NRP1: variants seen among roughly 807,000 people sequenced by gnomAD.
NRP1 encodes the protein neuropilin-1.
NRP1 carries 35 observed loss-of-function variants against 106.7 expected under a neutral mutation model. The ratio of observed to expected loss-of-function variants is 0.33; its 90% confidence interval spans 0.25 to 0.43. The LOEUF is 0.43. Ranked by LOEUF, NRP1 falls within the 20% of genes least tolerant of loss-of-function variation. The pLI is 1.00. For missense variants in NRP1, 1,024 were observed against 1,170.4 expected (o/e 0.87, Z 1.83); for synonymous variants, 437 against 417.9 (o/e 1.05, Z -0.56).
intron 9 of NRP1, chr10:33,211,976 A>G (rs973024079): frequency 1.3e-5 from 2 of 152,132 alleles, no homozygotes; most frequent in Non-Finnish European, 2.9e-5. Flanking sequence ...CCATATTTGA[A>G]TCCTAAACCA....
At chr10:33,230,143 T>C (rs1220936715) in intron 6 of NRP1, among the ~76,000 whole-genome samples, 1 of 152,092 alleles carries the variant, frequency 6.6e-6, no homozygotes. Context: ...CCACGAGTCC[T>C]TTCTCTTAAT....
intron 2 of NRP1, among the ~76,000 whole-genome samples, chr10:33,293,914 C>T (rs1845189059): frequency 1.3e-5 from 2 of 152,218 alleles, no homozygotes; most frequent in Non-Finnish European, 2.9e-5. Context: ...TTGTCTGTCA[C>T]AGTCATAGCA....
At chr10:33,265,916 C>A (rs561376314) in intron 3 of NRP1, among the ~76,000 whole-genome samples, 1 of 152,200 alleles carries the variant, frequency 6.6e-6, no homozygotes, top group African/African-American at 2.4e-5. Flanking sequence ...TAATTTGAGT[C>A]ATTTATCCAC....
chr10:33,258,549 CA>C (rs1842355781), intron 4 of NRP1, among the ~76,000 whole-genome samples: 1 of 152,144 alleles, frequency 6.6e-6, no homozygotes, highest in African/African-American at 2.4e-5. Context: ...CTGTCACGGA[CA>C]ATAGCTTTGC....
chr10:33,298,578 A>T (rs1199252651), intron 2 of NRP1, among the ~76,000 whole-genome samples: 1 of 152,084 alleles, frequency 6.6e-6, no homozygotes, highest in East Asian at 1.9e-4. Context: ...CTGGCTGGGG[A>T]GCAGGAGGTC....
intron 2 of NRP1, among the ~76,000 whole-genome samples, chr10:33,320,306 C>T (rs1231466724): frequency 2.0e-5 from 3 of 149,704 alleles, no homozygotes; most frequent in African/African-American, 4.9e-5. Context: ...AGCAATACTC[C>T]GTCTTTAAAA....
intron 2 of NRP1, among the ~76,000 whole-genome samples, chr10:33,319,613 G>GT (rs1384103837): frequency 1.7e-5 from 2 of 120,398 alleles, no homozygotes; most frequent in African/African-American, 6.6e-5. Context: ...TTGAGACAGT[G>GT]TCTCCTTCTG....
At chr10:33,272,979 A>G (rs1045426075) in intron 2 of NRP1, among the ~76,000 whole-genome samples, 3 of 151,590 alleles carry the variant, frequency 2.0e-5, no homozygotes, top group Non-Finnish European at 4.4e-5. Flanking sequence ...GTGCCGGTGG[A>G]TTGCAACAGG....
intron 2 of NRP1, among the ~76,000 whole-genome samples, chr10:33,300,642 T>G (rs1845737855): frequency 6.6e-6 from 1 of 152,192 alleles, no homozygotes; most frequent in Non-Finnish European, 1.5e-5. Flanking sequence ...TGCCTCCCAT[T>G]GTATTCAAAG....
At chr10:33,324,920 C>T (rs79292594) in intron 2 of NRP1, among the ~76,000 whole-genome samples, 2,846 of 152,252 alleles carry the variant, frequency 0.019, 101 homozygotes, top group African/African-American at 0.065. Flanking sequence ...AGTGAGCCAC[C>T]GTGCCTGGCC....
intron 3 of NRP1, 130 bp downstream of exon 3, chr10:33,270,537 GGCTGGTCT>G: frequency 1.6e-6 from 1 of 619,658 alleles, no homozygotes; most frequent in South Asian, 3.2e-5. Context: ...ATGTTGGCCA[GGCTGGTCT>G]TGAATTCCTG....
intron 2 of NRP1, among the ~76,000 whole-genome samples, chr10:33,318,287 T>C (rs970120695): frequency 6.6e-6 from 1 of 152,180 alleles, no homozygotes; most frequent in Non-Finnish European, 1.5e-5. Context: ...TAATGAGCCA[T>C]TCACATATCG....
chr10:33,265,937 T>A (rs1048479805), intron 3 of NRP1, among the ~76,000 whole-genome samples: 11 of 152,052 alleles, frequency 7.2e-5, no homozygotes, highest in African/African-American at 1.2e-4. Flanking sequence ...AAAGAAAAAA[T>A]ATATATATAC....
At chr10:33,286,689 T>C (rs1490906237) in intron 2 of NRP1, among the ~76,000 whole-genome samples, 1 of 152,214 alleles carries the variant, frequency 6.6e-6, no homozygotes, top group East Asian at 1.9e-4. Flanking sequence ...TAACTTATTC[T>C]GCTGACTTTT....
At chr10:33,323,548 C>T (rs1847675874) in intron 2 of NRP1, among the ~76,000 whole-genome samples, 1 of 152,040 alleles carries the variant, frequency 6.6e-6, no homozygotes, top group South Asian at 2.1e-4. Flanking sequence ...AACCATAAGA[C>T]ACTACTAACT....
intron 14 of NRP1, 51 bp downstream of exon 14, chr10:33,186,166 C>T: frequency 6.5e-7 from 1 of 1,528,752 alleles, no homozygotes; most frequent in Admixed American, 2.1e-5. Context: ...AACATATCAT[C>T]TCAGCATTCC....
intron 2 of NRP1, among the ~76,000 whole-genome samples, chr10:33,274,739 G>T (rs1843561868): frequency 6.6e-6 from 1 of 152,226 alleles, no homozygotes; most frequent in African/African-American, 2.4e-5. Flanking sequence ...TATTAGGAAG[G>T]GGGATTTGAG....
intron 10 of NRP1, among the ~76,000 whole-genome samples, chr10:33,206,591 G>A (rs1837803382): frequency 6.6e-6 from 1 of 152,158 alleles, no homozygotes; most frequent in African/African-American, 2.4e-5. Flanking sequence ...TTTTAAAATT[G>A]CAGGAAGGTG....
intron 2 of NRP1, among the ~76,000 whole-genome samples, chr10:33,300,537 C>G (rs1331324): frequency 0.4 from 60,974 of 151,952 alleles, 14,074 homozygotes; most frequent in East Asian, 0.56. Flanking sequence ...CACATCTCAA[C>G]CCCCAATGCT....
Sources: gnomAD v4.1 joint callset for allele counts (sites outside exome capture counted in the v4.1 genomes callset) on GRCh38, gnomAD v4.1.1 for gene constraint, MANE v1.5 for transcripts, NCBI Gene and HGNC (gene_info 2026-07-23, HGNC 2026-07-21) for gene names.